The following MYO16 variants were observed in gnomAD, a reference collection of about 807,000 sequenced individuals.
MYO16 encodes the protein unconventional myosin-XVI.
A neutral mutation model predicts 205.3 loss-of-function variants in MYO16; 94 were observed. The observed-to-expected ratio is 0.46, with a 90% CI of 0.39 to 0.54. The LOEUF (loss-of-function observed/expected upper bound fraction) is 0.54, where lower values mean the gene tolerates loss of function less well. Among genes scored for constraint, MYO16 ranks in the 20% least tolerant of loss-of-function variants. MYO16 has a pLI of 0.00. For synonymous variants in MYO16, 988 were observed against 954.0 expected (o/e 1.04, Z -0.66); for missense variants, 2,315 against 2,387.5 (o/e 0.97, Z 0.63).
chr13:108,907,790 G>A (rs1881060071), intron 15 of MYO16, among the ~76,000 whole-genome samples: 1 of 152,120 alleles, frequency 6.6e-6, no homozygotes, highest in Admixed American at 6.6e-5. Context: ...TCCATGATGT[G>A]GAATTTGATT....
At position 108,932,816 on chromosome 13, in the gene MYO16, C is replaced by T. The variant is rs78499063; in HGVS notation, c.1925+22666C>T. Reference sequence around the variant, plus strand: ...TCCGCACTGGTCCTTTGAAGCAGAACCTCTTGATTAATAAAATAAGCCAAA... The same window carrying T: ...TCCGCACTGGTCCTTTGAAGCAGAATCTCTTGATTAATAAAATAAGCCAAA... On this transcript the variant is annotated intron_variant, in intron 16 of 34. Transcript: ENST00000457511. Among the ~76,000 whole-genome samples, 897 of 152,222 alleles carry T rather than the reference C, an allele frequency of 5.9e-3. 6 individuals are homozygous for T. Among genetic ancestry groups the T allele is most frequent in the African/African-American group, 0.019 (806 of 41,534 alleles).
Position 108,666,128 on chromosome 13 carries a change from A to G in MYO16, c.271A>G (p.Ile91Val). 1 of 1,606,522 alleles carries G rather than the reference A, an allele frequency of 6.2e-7. No individual in the cohort carries two copies. The highest frequency in any genetic ancestry group is 8.5e-7 in the Non-Finnish European group (1 of 1,173,634). ...NLTDMLQDAI[I>V]HHNDKEVLRL... is the part of the protein sequence containing the mutation. ...CACGGACATGCTACAGGACGCGATT[A>G]TCCACCACAATGACAAAGAAGGTAC... is the stretch of plus-strand genomic sequence containing the variant. Residue 91 changes from isoleucine (I) to valine (V), a missense_variant, in exon 2 of 35, where the codon ATC becomes GTC. Physicochemically the swap from Ile to Val is conservative, Grantham distance 29. Coordinates refer to ENST00000457511, the MANE Select transcript of MYO16 (RefSeq NM_001198950.3).
rs559360648 is a variant in MYO16, at chr13:109,093,049, C to T, written c.3336-7736C>T. On this transcript the variant is annotated intron_variant, in intron 27 of 34. Transcript: ENST00000457511. ...TTTTTTTAGTGTTATAGTCACAATACGTGAATGTATGGAAGCGTGTTTTTA... is the reference window on the plus strand; with the variant it reads ...TTTTTTTAGTGTTATAGTCACAATATGTGAATGTATGGAAGCGTGTTTTTA... Among the ~76,000 whole-genome samples, 168 of 152,128 alleles carry T rather than the reference C, an allele frequency of 1.1e-3. 2 individuals carry two copies. The highest frequency in any genetic ancestry group is 2.9e-3 in the African/African-American group (119 of 41,502).
intron 16 of MYO16, among the ~76,000 whole-genome samples, chr13:108,928,387 T>C (rs1449841093): frequency 1.3e-5 from 2 of 152,230 alleles, no homozygotes; most frequent in Admixed American, 6.5e-5. Context: ...TCTACAGCAA[T>C]GTTATATAGA....
At chr13:108,644,397 T>TATC (rs1446143693) in intron 1 of MYO16, among the ~76,000 whole-genome samples, 2 of 150,778 alleles carry the variant, frequency 1.3e-5, no homozygotes, top group Non-Finnish European at 3.0e-5. Flanking sequence ...TCTATCTATC[T>TATC]ATCTATCTAT....
chr13:108,930,053 T>TA (rs1373835310), intron 16 of MYO16, among the ~76,000 whole-genome samples: 1 of 152,238 alleles, frequency 6.6e-6, no homozygotes, highest in Non-Finnish European at 1.5e-5. Context: ...TAAATGCCCA[T>TA]AATCTTATTT....
At chr13:108,741,401 A>C (rs549207963) in intron 4 of MYO16, among the ~76,000 whole-genome samples, 2 of 152,210 alleles carry the variant, frequency 1.3e-5, no homozygotes, top group Non-Finnish European at 2.9e-5. Flanking sequence ...AATTAGGAAC[A>C]CTGGATAGCA....
chr13:109,181,816 A>ATTTTTTTTTTTTTTTTTTTTTTTTTTTT (rs61381548), intron 34 of MYO16, among the ~76,000 whole-genome samples: 1 of 126,262 alleles, frequency 7.9e-6, no homozygotes, highest in African/African-American at 3.5e-5. Flanking sequence ...TTATTTATTT[A>ATTTTTTTTTTTTTTTTTTTTTTTTTTTT]TTTTATTTTA....
chr13:108,729,336 T>G (rs550956145), intron 4 of MYO16, among the ~76,000 whole-genome samples: 20 of 152,164 alleles, frequency 1.3e-4, no homozygotes, highest in Non-Finnish European at 2.4e-4. Context: ...TAGACATCTT[T>G]AGAATGCTAA....
In MYO16 at chr13:108,654,317, A is replaced by G. The variant is rs532097335; in HGVS notation, c.29-11569A>G. Among the ~76,000 whole-genome samples the G allele has an allele frequency of 4.1e-4, 63 of 152,220 alleles. 1 individual carries two copies. The highest frequency in any genetic ancestry group is 1.3e-3 in the African/African-American group (52 of 41,530). ...GAATCACGGGGGCGGTTTCCCCCAT[A>G]CTGTTCTCGTGCTAGGAAGTCTCAC... On this transcript the variant is annotated intron_variant, in intron 1 of 34. Transcript: ENST00000457511.
At chr13:109,049,277 T>C (rs558507362) in intron 24 of MYO16, among the ~76,000 whole-genome samples, 1 of 152,248 alleles carries the variant, frequency 6.6e-6, no homozygotes, top group South Asian at 2.1e-4. Flanking sequence ...GTGAGAGAAA[T>C]ATGCCTCTTC....
intron 14 of MYO16, among the ~76,000 whole-genome samples, chr13:108,896,858 G>A (rs1416421794): frequency 6.6e-6 from 1 of 152,016 alleles, no homozygotes; most frequent in African/African-American, 2.4e-5. Context: ...TGTAATCCCA[G>A]CTACTCCAGA....
At chr13:108,631,198 T>C (rs1879964129) in intron 1 of MYO16, among the ~76,000 whole-genome samples, 1 of 152,224 alleles carries the variant, frequency 6.6e-6, no homozygotes, top group Non-Finnish European at 1.5e-5. Flanking sequence ...TTTTCCTTGC[T>C]GTGCCTCTGC....
At chr13:108,668,629 A>C (rs1046792856) in intron 2 of MYO16, among the ~76,000 whole-genome samples, 1 of 152,132 alleles carries the variant, frequency 6.6e-6, no homozygotes, top group Non-Finnish European at 1.5e-5. Context: ...ATCAACAGTG[A>C]TGGATACGGG....
chr13:108,619,560 G>A (rs1019864264), intron 1 of MYO16, among the ~76,000 whole-genome samples: 2 of 152,118 alleles, frequency 1.3e-5, no homozygotes, highest in Non-Finnish European at 2.9e-5. Context: ...AGCATTTTGA[G>A]AGAAAGCCCA....
In MYO16 at chr13:108,772,460, C is replaced by T. The variant is rs548960577; in HGVS notation, c.508-13175C>T. ...ATGAAAAAGAGTGTCTGTTGCTCCA[C>T]ATTCTCACAAGCATTTGGTGCATCA... On this transcript the variant is annotated intron_variant, in intron 4 of 34. Coordinates refer to ENST00000457511, the MANE Select transcript of MYO16 (RefSeq NM_001198950.3). Among the ~76,000 whole-genome samples the T allele has an allele frequency of 1.1e-4, 17 of 152,292 alleles. No homozygotes were observed. In the South Asian group the frequency reaches 2.9e-3, roughly 26 times the overall value.
Position 109,141,000 on chromosome 13 carries a change from C to A in MYO16, c.4788C>A (p.Pro1596=). 1 of 1,313,482 alleles carries A rather than the reference C, an allele frequency of 7.6e-7. No homozygotes were observed. 81.4% of individuals were successfully genotyped at this position (1,313,482 alleles called of 1,614,324 possible). ...GAGCCTCCCCGCCGTCCACGCCGCCCCCGCCCCCGCCCCCGCCCGGGCCGC... is the reference window on the plus strand; with the variant it reads ...GAGCCTCCCCGCCGTCCACGCCGCCACCGCCCCCGCCCCCGCCCGGGCCGC... ...SGRASPPSTP[P]PPPPPPGPPP... The change falls in exon 32 of 35, where the codon CCC becomes CCA. Residue 1596 remains proline, a synonymous_variant. Transcript: ENST00000457511. The surrounding 1 kb of genome is among the most constrained non-coding windows in gnomAD (Gnocchi z 8.0).
At chr13:108,780,677 G>GT (rs1300808565) in intron 4 of MYO16, among the ~76,000 whole-genome samples, 2 of 152,184 alleles carry the variant, frequency 1.3e-5, no homozygotes, top group East Asian at 1.9e-4. Flanking sequence ...TTTAAGTTCA[G>GT]TTTTTGACTA....
intron 28 of MYO16, among the ~76,000 whole-genome samples, chr13:109,120,114 C>T (rs1366920651): frequency 6.6e-6 from 1 of 152,212 alleles, no homozygotes; most frequent in Non-Finnish European, 1.5e-5. Context: ...TTTTGCACCA[C>T]ATGGTACAAC....
Sources: gnomAD v4.1 joint callset for allele counts (sites outside exome capture counted in the v4.1 genomes callset) on GRCh38, gnomAD v4.1.1 for gene constraint, Gnocchi (gnomAD v3.1) non-coding constraint, MANE v1.5 for transcripts, NCBI Gene and HGNC (gene_info 2026-07-23, HGNC 2026-07-21) for gene names.